The following DYNC1I1 variants were observed in gnomAD, a reference collection of about 807,000 sequenced individuals.
DYNC1I1 encodes dynein cytoplasmic 1 intermediate chain 1, also known as cytoplasmic dynein 1 intermediate chain 1.
In DYNC1I1, 43 loss-of-function variants were observed where a neutral mutation model predicts 86.6. That is an observed-to-expected ratio of 0.50 (90% CI 0.39 to 0.64). The LOEUF is 0.64. Ranked by LOEUF, DYNC1I1 falls within the 30% of genes least tolerant of loss-of-function variation. DYNC1I1 has a pLI of 0.00. For synonymous variants in DYNC1I1, 262 were observed against 283.7 expected (o/e 0.92, Z 0.77); for missense variants, 604 against 788.8 (o/e 0.77, Z 2.81).
chr7:96,029,268 G>A (rs886339011), intron 11 of DYNC1I1, among the ~76,000 whole-genome samples: 2 of 152,158 alleles, frequency 1.3e-5, no homozygotes, highest in African/African-American at 4.8e-5. Context: ...GACACTTGCA[G>A]GTGAAACTAG....
chr7:95,914,253 G>A (rs1453429645), intron 6 of DYNC1I1, among the ~76,000 whole-genome samples: 1 of 152,128 alleles, frequency 6.6e-6, no homozygotes, highest in Non-Finnish European at 1.5e-5. Flanking sequence ...GAATAGGATG[G>A]GGCTGCTTTC....
At chr7:96,004,948 T>A (rs1442605870) in intron 10 of DYNC1I1, among the ~76,000 whole-genome samples, 1 of 152,192 alleles carries the variant, frequency 6.6e-6, no homozygotes, top group East Asian at 1.9e-4. Flanking sequence ...AATCATCAAA[T>A]CTTATGATTG....
At chr7:95,837,222 C>T (rs1440581133) in intron 5 of DYNC1I1, among the ~76,000 whole-genome samples, 2 of 151,892 alleles carry the variant, frequency 1.3e-5, no homozygotes, top group African/African-American at 2.4e-5. Context: ...TTGGAGTACC[C>T]TGCCATGTGA....
chr7:95,833,364 T>C (rs1788974954), intron 5 of DYNC1I1, among the ~76,000 whole-genome samples: 1 of 150,620 alleles, frequency 6.6e-6, no homozygotes, highest in South Asian at 2.1e-4. Context: ...GCTGTTTTGG[T>C]TACTGTAGCC....
At chr7:96,072,198 C>G (rs2116227912) in intron 14 of DYNC1I1, among the ~76,000 whole-genome samples, 1 of 152,296 alleles carries the variant, frequency 6.6e-6, no homozygotes, top group South Asian at 2.1e-4. Flanking sequence ...GACCGGTAGC[C>G]CGCTTCTCTG....
intron 10 of DYNC1I1, among the ~76,000 whole-genome samples, chr7:95,998,480 C>G (rs142326437): frequency 1.3e-5 from 2 of 152,224 alleles, no homozygotes; most frequent in Admixed American, 6.5e-5. Context: ...AAAACCAAAG[C>G]CTTCACTCAC....
intron 14 of DYNC1I1, among the ~76,000 whole-genome samples, chr7:96,064,182 A>G (rs1242979404): frequency 6.6e-6 from 1 of 151,252 alleles, no homozygotes; most frequent in Non-Finnish European, 1.5e-5. Flanking sequence ...CAAACATATC[A>G]GAATATTTCA....
chr7:95,862,566 T>C (rs1278121244), intron 5 of DYNC1I1, among the ~76,000 whole-genome samples: 4 of 152,070 alleles, frequency 2.6e-5, no homozygotes, highest in African/African-American at 7.3e-5. Flanking sequence ...GTTGAGGAGG[T>C]TGTAAAGCAA....
chr7:95,910,876 G>T (rs1216443737), intron 6 of DYNC1I1, among the ~76,000 whole-genome samples: 2 of 152,148 alleles, frequency 1.3e-5, no homozygotes, highest in African/African-American at 2.4e-5. Flanking sequence ...TGTAGTAGAG[G>T]TTGGCCGTCG....
At chr7:95,865,936 A>G (rs983299531) in intron 5 of DYNC1I1, among the ~76,000 whole-genome samples, 1 of 152,206 alleles carries the variant, frequency 6.6e-6, no homozygotes, top group African/African-American at 2.4e-5. Flanking sequence ...ACCAAGGGCT[A>G]TGGCAGCAGT....
chr7:95,791,335 T>C (rs1050427212), intron 1 of DYNC1I1, among the ~76,000 whole-genome samples: 1 of 152,210 alleles, frequency 6.6e-6, no homozygotes, highest in African/African-American at 2.4e-5. Context: ...GTTGTCTTGA[T>C]TTAACTTTGT....
At chr7:96,068,608 CAT>C (rs2116212600) in intron 14 of DYNC1I1, among the ~76,000 whole-genome samples, 1 of 152,176 alleles carries the variant, frequency 6.6e-6, no homozygotes, top group Non-Finnish European at 1.5e-5. Context: ...TCTTGAAAAA[CAT>C]AAAATCTTCT....
intron 5 of DYNC1I1, among the ~76,000 whole-genome samples, chr7:95,838,783 CTATTA>C (rs1442886123): frequency 6.6e-6 from 1 of 151,654 alleles, no homozygotes; most frequent in Non-Finnish European, 1.5e-5. Flanking sequence ...CTTTCTGATG[CTATTA>C]TTAGTGGAAA....
intron 5 of DYNC1I1, among the ~76,000 whole-genome samples, chr7:95,844,159 G>T (rs760754036): frequency 3.9e-5 from 6 of 152,128 alleles, no homozygotes; most frequent in Non-Finnish European, 7.3e-5. Flanking sequence ...AGCAATGAGG[G>T]TATTTTGTGG....
chr7:96,080,258 C>T, intron 15 of DYNC1I1, 105 bp from the exon 16 acceptor site: 3 of 1,418,782 alleles, frequency 2.1e-6, no homozygotes, highest in South Asian at 3.0e-5. Context: ...ACTTAATGCA[C>T]ATGAAGGCAG....
chr7:96,062,552 T>C (rs142584085), intron 14 of DYNC1I1, among the ~76,000 whole-genome samples: 574 of 152,302 alleles, frequency 3.8e-3, no homozygotes, highest in Non-Finnish European at 5.4e-3. Context: ...GCTTCGGCAA[T>C]CAGACATATT....
intron 6 of DYNC1I1, among the ~76,000 whole-genome samples, chr7:95,954,801 A>G (rs1792662188): frequency 6.6e-6 from 1 of 151,118 alleles, no homozygotes; most frequent in African/African-American, 2.4e-5. Context: ...CTGTAGTCCC[A>G]GCTACTCAGG....
intron 6 of DYNC1I1, among the ~76,000 whole-genome samples, chr7:95,924,578 A>G (rs2116388595): frequency 6.6e-6 from 1 of 152,298 alleles, no homozygotes; most frequent in East Asian, 1.9e-4. Flanking sequence ...TAGATGGGAT[A>G]TGGCATTTTT....
intron 5 of DYNC1I1, among the ~76,000 whole-genome samples, chr7:95,849,043 A>C (rs1789510823): frequency 6.6e-6 from 1 of 152,050 alleles, no homozygotes; most frequent in African/African-American, 2.4e-5. Context: ...AGAGATGTCT[A>C]CTCAGATCCT....
Sources: allele counts gnomAD v4.1 joint callset (sites outside exome capture counted in the v4.1 genomes callset), GRCh38; gene constraint gnomAD v4.1.1; transcripts MANE v1.5; gene names NCBI Gene and HGNC (gene_info 2026-07-23, HGNC 2026-07-21).